The following RASAL2 variants were observed in gnomAD, a reference collection of about 807,000 sequenced individuals.
RASAL2 encodes ras GTPase-activating protein nGAP.
A neutral mutation model predicts 128.9 loss-of-function variants in RASAL2; 58 were observed. The observed-to-expected ratio is 0.45, with a 90% CI of 0.36 to 0.56. RASAL2 has a LOEUF of 0.56. Among genes scored for constraint, RASAL2 ranks in the 20% least tolerant of loss-of-function variants. RASAL2 has a pLI of 0.00. For missense variants in RASAL2, 1,360 were observed against 1,601.6 expected (o/e 0.85, Z 2.57); for synonymous variants, 561 against 580.8 (o/e 0.97, Z 0.49).
At chr1:178,375,163 A>AT (rs1483436141) in intron 3 of RASAL2, among the ~76,000 whole-genome samples, 4 of 152,120 alleles carry the variant, frequency 2.6e-5, no homozygotes, top group Non-Finnish European at 5.9e-5. Flanking sequence ...ATCCTAAAAG[A>AT]TTTTTTATGG....
intron 1 of RASAL2, among the ~76,000 whole-genome samples, chr1:178,249,204 A>G (rs146173146): frequency 5.8e-4 from 88 of 152,092 alleles, no homozygotes; most frequent in African/African-American, 2.0e-3. Context: ...GTCTTTTCAC[A>G]TAGTCCCATA....
At chr1:178,465,898 C>T in intron 15 of RASAL2, 22 bp from the exon 16 acceptor site, 2 of 1,472,806 alleles carry the variant, frequency 1.4e-6, no homozygotes, top group Non-Finnish European at 1.8e-6. Flanking sequence ...TAGTTTTTGT[C>T]TCCTTGCCTC....
At chr1:178,148,127 A>G (rs1660791700) in intron 1 of RASAL2, among the ~76,000 whole-genome samples, 2 of 152,086 alleles carry the variant, frequency 1.3e-5, no homozygotes, top group Non-Finnish European at 2.9e-5. Context: ...TTGTTAGGTG[A>G]CTATAAGCAT....
intron 1 of RASAL2, among the ~76,000 whole-genome samples, chr1:178,252,200 A>G (rs1665086552): frequency 1.3e-5 from 2 of 152,196 alleles, no homozygotes; most frequent in South Asian, 4.1e-4. Flanking sequence ...ATTTAATTCA[A>G]TATTTTAAAA....
chr1:178,312,503 A>G (rs1279105003), intron 3 of RASAL2, among the ~76,000 whole-genome samples: 2 of 152,212 alleles, frequency 1.3e-5, no homozygotes, highest in Non-Finnish European at 2.9e-5. Context: ...GACTCAAAAA[A>G]GATTACCTCC....
intron 4 of RASAL2, among the ~76,000 whole-genome samples, chr1:178,408,584 G>T (rs1282438676): frequency 1.4e-5 from 2 of 144,340 alleles, no homozygotes; most frequent in Non-Finnish European, 3.0e-5. Flanking sequence ...TAGGTTTTTT[G>T]TTGTTGTTGT....
intron 8 of RASAL2, among the ~76,000 whole-genome samples, 155 bp downstream of exon 8, chr1:178,443,384 G>C (rs914748246): frequency 4.6e-5 from 7 of 152,156 alleles, no homozygotes; most frequent in African/African-American, 1.7e-4. Context: ...ATCCAGAAAA[G>C]ATGAAGATTA....
intron 1 of RASAL2, among the ~76,000 whole-genome samples, chr1:178,279,027 T>C (rs2902217): frequency 0.27 from 41,107 of 152,132 alleles, 6,477 homozygotes; most frequent in African/African-American, 0.44. Flanking sequence ...TATTAGCATT[T>C]GAAGGAGCCC....
intron 4 of RASAL2, among the ~76,000 whole-genome samples, chr1:178,403,357 A>G (rs989435245): frequency 6.6e-6 from 1 of 152,204 alleles, no homozygotes; most frequent in Non-Finnish European, 1.5e-5. Flanking sequence ...ATACGTATTA[A>G]GTAGCCCACT....
Position 178,441,511 on chromosome 1 carries a change from G to C in RASAL2, c.829-38G>C, listed in dbSNP as rs756822443. 4.1e-6 allele frequency: 6 copies of C among 1,470,522 alleles called. No homozygotes were observed. In the Admixed American group the frequency reaches 1.0e-4, roughly 25 times the overall value. 91.1% of individuals were successfully genotyped at this position (1,470,522 alleles called of 1,614,324 possible). ...CCTAATGACAGAGCCCTGAAATCCAGTGTTTTCTTTTTCTTATGTCTAATT... is the reference window on the plus strand; with the variant it reads ...CCTAATGACAGAGCCCTGAAATCCACTGTTTTCTTTTTCTTATGTCTAATT... On this transcript the variant is annotated intron_variant, in intron 6 of 17. Transcript: ENST00000367649.
chr1:178,463,034 C>G (rs141406582), intron 14 of RASAL2, among the ~76,000 whole-genome samples: 1 of 152,208 alleles, frequency 6.6e-6, no homozygotes, highest in East Asian at 1.9e-4. Context: ...TCCTCACTCT[C>G]CAGTTCATCA....
chr1:178,421,801 C>G (rs1353456390), intron 5 of RASAL2, among the ~76,000 whole-genome samples: 1 of 151,948 alleles, frequency 6.6e-6, no homozygotes, highest in Non-Finnish European at 1.5e-5. Flanking sequence ...CCTTCTTGAA[C>G]CACATTAAAG....
intron 1 of RASAL2, among the ~76,000 whole-genome samples, chr1:178,144,013 C>T (rs527336835): frequency 3.9e-5 from 6 of 152,214 alleles, no homozygotes; most frequent in Admixed American, 2.6e-4. Flanking sequence ...TTCACTCTCT[C>T]ATTATTCTTG....
At chr1:178,288,139 G>A (rs1172693858) in intron 2 of RASAL2, among the ~76,000 whole-genome samples, 4 of 152,104 alleles carry the variant, frequency 2.6e-5, no homozygotes, top group Admixed American at 2.6e-4. Flanking sequence ...AAAGTAGGCT[G>A]TACAAACCCA....
Position 178,094,300 on chromosome 1 carries a change from A to C in RASAL2, c.-193A>C, listed in dbSNP as rs1015805089. The C allele has an allele frequency of 1.6e-5, 9 of 560,882 alleles. No homozygotes were observed. The African/African-American group carries it at 1.8e-4, about 11-fold the overall frequency. 34.7% of individuals were successfully genotyped at this position (560,882 alleles called of 1,614,324 possible). On this transcript the variant is annotated 5_prime_UTR_variant, in exon 1 of 18. Coordinates refer to ENST00000367649, the MANE Select transcript of RASAL2 (RefSeq NM_170692.4). ...GGCCTGGGTCCCGCCCGCCGACTGC[A>C]GGTGGGCTGCATCGCCCGAGCCTCG...
intron 1 of RASAL2, among the ~76,000 whole-genome samples, chr1:178,202,387 C>T (rs1324761879): frequency 6.6e-6 from 1 of 152,132 alleles, no homozygotes; most frequent in Non-Finnish European, 1.5e-5. Flanking sequence ...AAGACTAAGG[C>T]CTGGTTCACA....
At chr1:178,288,035 C>T (rs2102229801) in intron 2 of RASAL2, among the ~76,000 whole-genome samples, 1 of 152,032 alleles carries the variant, frequency 6.6e-6, no homozygotes, top group East Asian at 1.9e-4. Flanking sequence ...TTGGGTTTAA[C>T]AGACATTAAA....
At chr1:178,442,574 C>G in intron 7 of RASAL2, 101 bp from the exon 8 acceptor site, 2 of 932,160 alleles carry the variant, frequency 2.1e-6, no homozygotes, top group Admixed American at 2.8e-5. Flanking sequence ...TTTGTTGACT[C>G]CCCTTAATAG....
intron 1 of RASAL2, among the ~76,000 whole-genome samples, chr1:178,245,728 T>A (rs1664739873): frequency 6.6e-6 from 1 of 152,244 alleles, no homozygotes; most frequent in Admixed American, 6.5e-5. Context: ...TTAATCCATC[T>A]TGAGTTAATT....
Sources: gnomAD v4.1 joint callset for allele counts (sites outside exome capture counted in the v4.1 genomes callset) on GRCh38, gnomAD v4.1.1 for gene constraint, MANE v1.5 for transcripts, NCBI Gene and HGNC (gene_info 2026-07-23, HGNC 2026-07-21) for gene names.